The following TCF7L2 variants were observed in gnomAD, a reference collection of about 807,000 sequenced individuals.
The protein encoded by TCF7L2 is transcription factor 7-like 2.
A neutral mutation model predicts 77.9 loss-of-function variants in TCF7L2; 23 were observed. That is an observed-to-expected ratio of 0.30 (90% CI 0.21 to 0.42). The LOEUF is 0.42. Ranked by LOEUF, TCF7L2 falls within the 10% of genes least tolerant of loss-of-function variation. The pLI is 1.00. For missense variants in TCF7L2, 654 were observed against 793.1 expected (o/e 0.82, Z 2.11); for synonymous variants, 413 against 340.2 (o/e 1.21, Z -2.36).
At chr10:112,953,066 G>C (rs2032395906) in intron 3 of TCF7L2, among the ~76,000 whole-genome samples, 1 of 152,118 alleles carries the variant, frequency 6.6e-6, no homozygotes, top group South Asian at 2.1e-4. Flanking sequence ...CCACTGTTCA[G>C]CAGCCATGGA....
intron 4 of TCF7L2, among the ~76,000 whole-genome samples, chr10:113,017,946 A>G (rs957669505): frequency 5.9e-5 from 9 of 152,126 alleles, no homozygotes; most frequent in African/African-American, 2.2e-4. Context: ...TTTGCAAACA[A>G]ATAAACTTAG....
At chr10:113,065,061 C>T (rs970836109) in intron 5 of TCF7L2, among the ~76,000 whole-genome samples, 10 of 152,166 alleles carry the variant, frequency 6.6e-5, no homozygotes, top group Admixed American at 2.6e-4. Context: ...GAAAAAAGGG[C>T]CAGGTTCCCT....
intron 8 of TCF7L2, among the ~76,000 whole-genome samples, chr10:113,149,194 T>C (rs1313904151): frequency 6.6e-6 from 1 of 152,222 alleles, no homozygotes; most frequent in Non-Finnish European, 1.5e-5. Flanking sequence ...GAACAGGGTG[T>C]CACTTGGAGC....
chr10:113,041,525 A>G (rs2052440695), intron 5 of TCF7L2, among the ~76,000 whole-genome samples: 1 of 152,122 alleles, frequency 6.6e-6, no homozygotes. Context: ...CCCTTTCCAG[A>G]GCCTTGTGAT....
intron 5 of TCF7L2, among the ~76,000 whole-genome samples, chr10:113,103,516 G>C (rs1448305671): frequency 6.6e-6 from 1 of 152,164 alleles, no homozygotes; most frequent in Non-Finnish European, 1.5e-5. Flanking sequence ...TTAACAGGGG[G>C]CTTTAAAGAG....
chr10:113,097,644 C>T (rs867662080), intron 5 of TCF7L2, among the ~76,000 whole-genome samples: 11 of 53,852 alleles, frequency 2.0e-4, no homozygotes, highest in African/African-American at 9.2e-4. Context: ...ACTCTTGTCT[C>T]GGAAAAAAAA....
At chr10:113,073,146 G>C (rs1016286850) in intron 5 of TCF7L2, among the ~76,000 whole-genome samples, 3 of 150,922 alleles carry the variant, frequency 2.0e-5, no homozygotes, top group African/African-American at 2.4e-5. Flanking sequence ...GAGAGAGAGA[G>C]AGAGACAGAG....
intron 3 of TCF7L2, among the ~76,000 whole-genome samples, chr10:112,952,268 T>TCCTTCCC (rs1282084172): frequency 6.6e-6 from 1 of 152,198 alleles, no homozygotes; most frequent in African/African-American, 2.4e-5. Flanking sequence ...CTCTCGGCCC[T>TCCTTCCC]CCTTCCCCCT....
intron 8 of TCF7L2, among the ~76,000 whole-genome samples, chr10:113,147,402 C>G (rs1248720358): frequency 6.6e-6 from 1 of 152,160 alleles, no homozygotes; most frequent in Non-Finnish European, 1.5e-5. Context: ...CAAACCGTGG[C>G]ATATCTAGCA....
chr10:112,955,548 C>T (rs1208129282), intron 3 of TCF7L2, among the ~76,000 whole-genome samples: 1 of 152,190 alleles, frequency 6.6e-6, no homozygotes, highest in African/African-American at 2.4e-5. Flanking sequence ...ATCTGGAAGA[C>T]GTGTTTTTGG....
chr10:113,095,732 C>CTAA (rs146771824), intron 5 of TCF7L2, among the ~76,000 whole-genome samples: 267 of 152,300 alleles, frequency 1.8e-3, no homozygotes, highest in Middle Eastern at 6.8e-3. Context: ...ATTTTGTATA[C>CTAA]TAAGCAGGAA....
Position 113,092,702 on chromosome 10 carries a change from A to G in TCF7L2, c.553-48482A>G, listed in dbSNP as rs554532319. Among the ~76,000 whole-genome samples the G allele has an allele frequency of 1.5e-3, 225 of 152,258 alleles. 1 individual carries two copies. The highest frequency in any genetic ancestry group is 5.2e-3 in the African/African-American group (216 of 41,540). On this transcript the variant is annotated intron_variant, in intron 5 of 13. Coordinates refer to ENST00000627217, the MANE Select transcript of TCF7L2 (RefSeq NM_001146274.2). ...GACATGGTGAAACCCCGTCTCTACTAAAAATACAAAAATTAACCAGGCGTG... is the reference window on the plus strand; with the variant it reads ...GACATGGTGAAACCCCGTCTCTACTGAAAATACAAAAATTAACCAGGCGTG...
intron 5 of TCF7L2, among the ~76,000 whole-genome samples, chr10:113,130,161 C>A (rs1356933809): frequency 6.6e-6 from 1 of 152,036 alleles, no homozygotes; most frequent in African/African-American, 2.4e-5. Context: ...TTCTTTGAGT[C>A]CTTTTCACAG....
chr10:113,014,116 G>A (rs1040905927), intron 4 of TCF7L2, among the ~76,000 whole-genome samples: 66 of 152,348 alleles, frequency 4.3e-4, no homozygotes, highest in African/African-American at 1.6e-3. Flanking sequence ...TGTGCCTCGA[G>A]TGCGTGGTCC....
chr10:113,072,410 G>C (rs1162830760), intron 5 of TCF7L2, among the ~76,000 whole-genome samples: 1 of 152,034 alleles, frequency 6.6e-6, no homozygotes, highest in South Asian at 2.1e-4. Context: ...GCTGGAGTAC[G>C]GTGGTGGGAT....
At chr10:113,050,039 G>A (rs759499517) in intron 5 of TCF7L2, among the ~76,000 whole-genome samples, 3 of 152,170 alleles carry the variant, frequency 2.0e-5, no homozygotes, top group Non-Finnish European at 2.9e-5. Flanking sequence ...CTGTCCAGTT[G>A]CAGCCTGACT....
chr10:113,022,579 T>C (rs751918878), intron 4 of TCF7L2, among the ~76,000 whole-genome samples: 2 of 152,206 alleles, frequency 1.3e-5, no homozygotes, highest in Non-Finnish European at 2.9e-5. Flanking sequence ...CCTTAAGCGG[T>C]GGTTAATACG....
chr10:113,130,656 C>T (rs925011231), intron 5 of TCF7L2, among the ~76,000 whole-genome samples: 1 of 152,062 alleles, frequency 6.6e-6, no homozygotes, highest in Non-Finnish European at 1.5e-5. Flanking sequence ...GCTCATTGTG[C>T]TGTTAATGAT....
chr10:112,982,021 CTTAT>C (rs2040558082), intron 4 of TCF7L2, among the ~76,000 whole-genome samples: 1 of 152,178 alleles, frequency 6.6e-6, no homozygotes, highest in Non-Finnish European at 1.5e-5. Flanking sequence ...GTCTTTGCTT[CTTAT>C]GTAATACGTC....
Sources: allele counts gnomAD v4.1 joint callset (sites outside exome capture counted in the v4.1 genomes callset), GRCh38; gene constraint gnomAD v4.1.1; transcripts MANE v1.5; gene names NCBI Gene and HGNC (gene_info 2026-07-23, HGNC 2026-07-21).